Variants in FRMD4B observed in about 807,000 individuals in gnomAD.
FRMD4B encodes the protein FERM domain containing 4B, also known as FERM domain-containing protein 4B.
In FRMD4B, 74 loss-of-function variants were observed where a neutral mutation model predicts 141.5. That is an observed-to-expected ratio of 0.52 (90% CI 0.43 to 0.63). FRMD4B has a LOEUF of 0.63. Ranked by LOEUF, FRMD4B falls within the 30% of genes least tolerant of loss-of-function variation. The pLI is 0.00. For synonymous variants in FRMD4B, 506 were observed against 467.9 expected, an observed-to-expected ratio of 1.08 and a Z score of -1.05; for missense variants, 1,366 against 1,253.4, an observed-to-expected ratio of 1.09 and a Z score of -1.36.
intron 1 of FRMD4B, among the ~76,000 whole-genome samples, chr3:69,474,871 A>G (rs1010940001): frequency 1.3e-5 from 2 of 152,180 alleles, no homozygotes; most frequent in Non-Finnish European, 2.9e-5. Context: ...AAATGCTATC[A>G]AAGGGGAAAG....
intron 5 of FRMD4B, among the ~76,000 whole-genome samples, chr3:69,281,933 G>A (rs539193091): frequency 1.8e-3 from 277 of 151,426 alleles, no homozygotes; most frequent in Non-Finnish European, 3.5e-3. Context: ...ACTCAGAAAC[G>A]AGGCACAATT....
At chr3:69,456,615 G>C (rs1023636708) in intron 1 of FRMD4B, among the ~76,000 whole-genome samples, 6 of 151,812 alleles carry the variant, frequency 4.0e-5, no homozygotes, top group African/African-American at 1.5e-4. Flanking sequence ...GGAAAGCAGG[G>C]TCCTTGTCTG....
intron 5 of FRMD4B, among the ~76,000 whole-genome samples, chr3:69,268,578 A>G (rs1006186176): frequency 6.6e-6 from 1 of 152,062 alleles, no homozygotes; most frequent in Non-Finnish European, 1.5e-5. Context: ...GTTCTGATGC[A>G]AAACTATTTT....
intron 1 of FRMD4B, among the ~76,000 whole-genome samples, chr3:69,517,050 T>C (rs978983244): frequency 1.1e-4 from 17 of 152,146 alleles, no homozygotes; most frequent in African/African-American, 3.4e-4. Flanking sequence ...CTTTGGACTC[T>C]TTACACATGA....
At chr3:69,225,564 G>A (rs2093244617) in intron 7 of FRMD4B, among the ~76,000 whole-genome samples, 1 of 148,146 alleles carries the variant, frequency 6.8e-6, no homozygotes, top group African/African-American at 2.5e-5. Flanking sequence ...GTTTGGTGGT[G>A]GGTGCCTATA....
intron 2 of FRMD4B, among the ~76,000 whole-genome samples, chr3:69,428,693 T>C (rs889237466): frequency 6.6e-6 from 1 of 152,086 alleles, no homozygotes; most frequent in Non-Finnish European, 1.5e-5. Context: ...GTAAAGTAGA[T>C]AAAACAAAAA....
intron 2 of FRMD4B, among the ~76,000 whole-genome samples, chr3:69,395,061 T>A (rs1704451764): frequency 6.6e-6 from 1 of 152,116 alleles, no homozygotes; most frequent in Non-Finnish European, 1.5e-5. Flanking sequence ...AAATACCTAA[T>A]GTAAGCAGGG....
At chr3:69,468,644 T>G (rs1031275270) in intron 1 of FRMD4B, among the ~76,000 whole-genome samples, 3 of 152,210 alleles carry the variant, frequency 2.0e-5, no homozygotes, top group Admixed American at 6.5e-5. Flanking sequence ...TCTTTTTCCT[T>G]TGACTGCTAT....
chr3:69,422,535 G>A (rs968236793), intron 2 of FRMD4B, among the ~76,000 whole-genome samples: 7 of 152,158 alleles, frequency 4.6e-5, no homozygotes, highest in African/African-American at 1.7e-4. Context: ...GTGACAAGCT[G>A]CAATGTTTTA....
chr3:69,221,288 A>C (rs79726429), intron 9 of FRMD4B, among the ~76,000 whole-genome samples: 1 of 152,186 alleles, frequency 6.6e-6, no homozygotes, highest in Non-Finnish European at 1.5e-5. Flanking sequence ...TGGTAACTCT[A>C]TAAGTCACAA....
At chr3:69,381,223 A>G (rs1465104233) in intron 1 of FRMD4B, among the ~76,000 whole-genome samples, 1 of 152,238 alleles carries the variant, frequency 6.6e-6, no homozygotes, top group African/African-American at 2.4e-5. Flanking sequence ...TTTGTTGGCA[A>G]ATTAAGTCAC....
intron 1 of FRMD4B, among the ~76,000 whole-genome samples, chr3:69,345,886 A>G (rs936442829): frequency 6.6e-6 from 1 of 152,130 alleles, no homozygotes; most frequent in African/African-American, 2.4e-5. Flanking sequence ...TGGGGAAAAA[A>G]CAGAGCAGAA....
intron 2 of FRMD4B, among the ~76,000 whole-genome samples, chr3:69,398,261 T>C (rs1302924642): frequency 2.6e-5 from 4 of 152,166 alleles, no homozygotes; most frequent in Middle Eastern, 3.2e-3. Flanking sequence ...CTTTATTCTT[T>C]TGTTTTATTT....
chr3:69,472,493 C>G, intron 1 of FRMD4B: 1 of 339,820 alleles, frequency 2.9e-6, no homozygotes, highest in Non-Finnish European at 5.9e-6. Flanking sequence ...ACTGTTCTTT[C>G]AAAGCTTTGG....
chr3:69,279,196 A>C (rs1398911081), intron 5 of FRMD4B, among the ~76,000 whole-genome samples: 1 of 152,198 alleles, frequency 6.6e-6, no homozygotes, highest in Non-Finnish European at 1.5e-5. Flanking sequence ...TGCAGCACTC[A>C]TCACAGACCC....
At chr3:69,246,548 G>A (rs906366995) in intron 7 of FRMD4B, among the ~76,000 whole-genome samples, 1 of 152,158 alleles carries the variant, frequency 6.6e-6, no homozygotes, top group Non-Finnish European at 1.5e-5. Context: ...CTATTCAGGG[G>A]AGAAGATCAG....
chr3:69,345,165 G>T (rs1175535739), intron 1 of FRMD4B, among the ~76,000 whole-genome samples: 1 of 152,208 alleles, frequency 6.6e-6, no homozygotes, highest in Non-Finnish European at 1.5e-5. Context: ...AATGGTCTTA[G>T]CAAATGGCAC....
chr3:69,241,472 A>C (rs528314857), intron 7 of FRMD4B, among the ~76,000 whole-genome samples: 26 of 152,224 alleles, frequency 1.7e-4, no homozygotes, highest in African/African-American at 6.0e-4. Flanking sequence ...AGTTTTCACA[A>C]AAGTGTTTTG....
intron 3 of FRMD4B, among the ~76,000 whole-genome samples, chr3:69,309,179 A>C (rs1701490183): frequency 6.6e-6 from 1 of 152,114 alleles, no homozygotes; most frequent in South Asian, 2.1e-4. Context: ...GCTGGTGTGC[A>C]GTGGCATGAT....
Sources: allele counts gnomAD v4.1 joint callset (sites outside exome capture counted in the v4.1 genomes callset), GRCh38; gene constraint gnomAD v4.1.1; transcripts MANE v1.5; gene names NCBI Gene and HGNC (gene_info 2026-07-23, HGNC 2026-07-21).